Variants in SOX6 observed in about 807,000 individuals in gnomAD.
SOX6 encodes SRY-box transcription factor 6.
Under a neutral mutation model 97.8 loss-of-function variants are expected in SOX6, and 11 were observed. The observed-to-expected ratio is 0.11, with a 90% CI of 0.07 to 0.19. SOX6 has a LOEUF of 0.19. SOX6 is among the 10% of genes least tolerant of loss of function. The probability of loss-of-function intolerance (pLI) is 1.00; values close to 1 mark genes in which losing one functional copy is unlikely to be tolerated. For synonymous variants in SOX6, 360 were observed against 371.4 expected (o/e 0.97, Z 0.35); for missense variants, 810 against 1,039.5 (o/e 0.78, Z 3.04).
intron 4 of SOX6, among the ~76,000 whole-genome samples, chr11:16,549,720 A>G (rs551240460): frequency 5.3e-5 from 8 of 152,344 alleles, no homozygotes; most frequent in African/African-American, 1.9e-4. Context: ...GATAAAAAAA[A>G]CAAATTGTCA....
intron 3 of SOX6, among the ~76,000 whole-genome samples, chr11:16,271,469 T>G (rs757589912): frequency 1.3e-5 from 2 of 151,478 alleles, no homozygotes; most frequent in African/African-American, 4.8e-5. Context: ...TATGATAGCA[T>G]TCTCCTGTAA....
At chr11:16,553,779 G>A (rs2133186760) in intron 4 of SOX6, among the ~76,000 whole-genome samples, 1 of 152,124 alleles carries the variant, frequency 6.6e-6, no homozygotes, top group East Asian at 1.9e-4. Context: ...AATGCATAAA[G>A]ACGGGATAGA....
At chr11:16,331,549 A>C (rs1485064200) in intron 2 of SOX6, among the ~76,000 whole-genome samples, 2 of 152,184 alleles carry the variant, frequency 1.3e-5, no homozygotes, top group Non-Finnish European at 2.9e-5. Flanking sequence ...TGTTAAATTC[A>C]TATGGTGGGC....
At chr11:16,435,548 G>A (rs749729311) in intron 1 of SOX6, among the ~76,000 whole-genome samples, 2 of 151,874 alleles carry the variant, frequency 1.3e-5, no homozygotes, top group Non-Finnish European at 2.9e-5. Context: ...GCTAGGAAGA[G>A]GCAAAAAAAA....
intron 4 of SOX6, among the ~76,000 whole-genome samples, chr11:16,555,061 A>G (rs533143518): frequency 3.3e-5 from 5 of 152,166 alleles, no homozygotes; most frequent in African/African-American, 9.6e-5. Context: ...AATGTTTCAC[A>G]TAGAAATATC....
intron 6 of SOX6, among the ~76,000 whole-genome samples, chr11:16,145,044 C>A (rs1279927155): frequency 1.3e-5 from 2 of 151,942 alleles, no homozygotes; most frequent in Non-Finnish European, 2.9e-5. Context: ...AGAGACACAA[C>A]AAAAAAAGAG....
chr11:16,708,737 C>T (rs1346347826), intron 3 of SOX6, among the ~76,000 whole-genome samples: 4 of 152,152 alleles, frequency 2.6e-5, no homozygotes, highest in African/African-American at 7.2e-5. Context: ...GGTACATGAT[C>T]GGTAAATAAA....
chr11:16,228,166 C>T (rs1234924263), intron 4 of SOX6, among the ~76,000 whole-genome samples: 1 of 150,654 alleles, frequency 6.6e-6, no homozygotes, highest in Non-Finnish European at 1.5e-5. Flanking sequence ...CCAATGCACT[C>T]CTGCCTAGGC....
intron 3 of SOX6, among the ~76,000 whole-genome samples, chr11:16,261,648 T>G (rs376820988): frequency 6.7e-6 from 1 of 149,802 alleles, no homozygotes; most frequent in African/African-American, 2.4e-5. Flanking sequence ...AAAAAAAAAA[T>G]GACCTACAAA....
At chr11:16,010,693 G>A (rs1854691555) in intron 13 of SOX6, among the ~76,000 whole-genome samples, 1 of 151,906 alleles carries the variant, frequency 6.6e-6, no homozygotes, top group Admixed American at 6.6e-5. Flanking sequence ...AGAGAAAGAG[G>A]AGGGAGCCCA....
At position 16,284,042 on chromosome 11, in the gene SOX6, T is replaced by C. The variant is rs181534115; in HGVS notation, c.445+34404A>G. 1.1e-3 allele frequency: 261 copies of C among 234,314 alleles called. 1 individual carries two copies. Among genetic ancestry groups the C allele is most frequent in the Non-Finnish European group, 1.8e-3 (217 of 118,316 alleles). The allele number at this position is 234,314 out of a possible 1,614,324, so 14.5% of individuals were successfully genotyped here. ...GAATACTTCTTTCTTCTTACATTAA[T>C]ATTTAGCAAGAAAGAAGTGTTATTT... On this transcript the variant is annotated intron_variant, in intron 3 of 15. Transcript: ENST00000683767.
chr11:16,203,963 AT>A (rs545266229), intron 4 of SOX6, among the ~76,000 whole-genome samples: 82 of 152,192 alleles, frequency 5.4e-4, no homozygotes, highest in Admixed American at 2.8e-3. Context: ...GTGAAAAAAA[AT>A]ATCAAAAAAT....
At chr11:16,236,216 C>T (rs1853016959) in intron 3 of SOX6, among the ~76,000 whole-genome samples, 1 of 152,048 alleles carries the variant, frequency 6.6e-6, no homozygotes, top group Non-Finnish European at 1.5e-5. Flanking sequence ...ATGGAGCCTA[C>T]ATGCAGATGC....
intron 9 of SOX6, among the ~76,000 whole-genome samples, chr11:16,089,818 AT>A (rs1003977154): frequency 6.6e-6 from 1 of 152,008 alleles, no homozygotes; most frequent in African/African-American, 2.4e-5. Flanking sequence ...AAGGTCAAAT[AT>A]TTTATCATAT....
chr11:16,007,378 A>C (rs1465620719), intron 13 of SOX6, among the ~76,000 whole-genome samples: 4 of 152,116 alleles, frequency 2.6e-5, no homozygotes, highest in Admixed American at 2.6e-4. Context: ...ACCATCATAT[A>C]TGTGGGCCAT....
intron 3 of SOX6, among the ~76,000 whole-genome samples, chr11:16,641,214 C>T (rs1168759753): frequency 1.6e-4 from 24 of 152,022 alleles, no homozygotes; most frequent in Non-Finnish European, 2.2e-4. Context: ...TGTAGTTAAG[C>T]AGTTTTGAGT....
At chr11:16,281,983 G>GTATATA (rs57254231) in intron 3 of SOX6, among the ~76,000 whole-genome samples, 2 of 143,076 alleles carry the variant, frequency 1.4e-5, no homozygotes, top group African/African-American at 5.2e-5. Context: ...ATAAAATCAT[G>GTATATA]TATATATATA....
intron 2 of SOX6, among the ~76,000 whole-genome samples, chr11:16,321,670 TG>T (rs1855930619): frequency 6.6e-6 from 1 of 152,110 alleles, no homozygotes; most frequent in Non-Finnish European, 1.5e-5. Flanking sequence ...CTGTGCAAAG[TG>T]GCTCAACACT....
intron 2 of SOX6, among the ~76,000 whole-genome samples, chr11:16,326,368 A>C (rs1196502913): frequency 1.3e-5 from 2 of 152,086 alleles, no homozygotes; most frequent in African/African-American, 4.8e-5. Flanking sequence ...CAAATTCTAC[A>C]TCTTCACTTT....
Sources: gnomAD v4.1 joint callset for allele counts (sites outside exome capture counted in the v4.1 genomes callset) on GRCh38, gnomAD v4.1.1 for gene constraint, MANE v1.5 for transcripts, NCBI Gene and HGNC (gene_info 2026-07-23, HGNC 2026-07-21) for gene names.